The following GRIK1 variants were observed in gnomAD, a reference collection of about 807,000 sequenced individuals.
GRIK1 encodes glutamate ionotropic receptor kainate type subunit 1.
In GRIK1, 69 loss-of-function variants were observed where a neutral mutation model predicts 105.7. That is an observed-to-expected ratio of 0.65 (90% CI 0.54 to 0.80). GRIK1 has a LOEUF of 0.80. GRIK1 is among the 30% of genes least tolerant of loss of function. The pLI, the probability that GRIK1 is intolerant of heterozygous loss-of-function variation, is 0.00. For synonymous variants in GRIK1, 438 were observed against 431.3 expected (o/e 1.02, Z -0.19); for missense variants, 1,109 against 1,167.3 (o/e 0.95, Z 0.73).
chr21:29,918,546 G>GA (rs1321153622), intron 1 of GRIK1, among the ~76,000 whole-genome samples: 2 of 151,968 alleles, frequency 1.3e-5, no homozygotes, highest in Admixed American at 1.3e-4. Context: ...TATCTAAATT[G>GA]AAAATCTTTA....
chr21:29,623,023 A>G (rs1037739292), intron 7 of GRIK1, among the ~76,000 whole-genome samples: 2 of 152,222 alleles, frequency 1.3e-5, no homozygotes, highest in Admixed American at 6.5e-5. Context: ...ATCAGACTAT[A>G]TATCATCTCA....
chr21:29,858,407 C>G (rs572410145), intron 1 of GRIK1, among the ~76,000 whole-genome samples: 4 of 152,122 alleles, frequency 2.6e-5, no homozygotes, highest in Admixed American at 6.5e-5. Flanking sequence ...CTCCCAGTGT[C>G]TCCCTGGAAC....
chr21:29,712,708 T>G (rs28681525), intron 1 of GRIK1, among the ~76,000 whole-genome samples: 2,457 of 152,322 alleles, frequency 0.016, 59 homozygotes, highest in African/African-American at 0.056. Flanking sequence ...CTTGCCCATT[T>G]TGAATATTTA....
At chr21:29,713,315 GT>G (rs1569004597) in intron 1 of GRIK1, among the ~76,000 whole-genome samples, 1 of 152,016 alleles carries the variant, frequency 6.6e-6, no homozygotes, top group African/African-American at 2.4e-5. Flanking sequence ...TCTCTATTTA[GT>G]TTAAACTAAT....
chr21:29,653,086 G>C (rs1381303256), intron 5 of GRIK1, among the ~76,000 whole-genome samples: 1 of 152,086 alleles, frequency 6.6e-6, no homozygotes, highest in Non-Finnish European at 1.5e-5. Flanking sequence ...GGCAAGAATG[G>C]TAAGAATATA....
intron 6 of GRIK1, among the ~76,000 whole-genome samples, chr21:29,645,028 C>T (rs2062589846): frequency 6.6e-6 from 1 of 152,198 alleles, no homozygotes; most frequent in African/African-American, 2.4e-5. Flanking sequence ...AGCTGTGCTG[C>T]TTCTACACCA....
chr21:29,785,980 T>C (rs1323288610), intron 1 of GRIK1, among the ~76,000 whole-genome samples: 2 of 152,198 alleles, frequency 1.3e-5, no homozygotes, highest in East Asian at 3.8e-4. Flanking sequence ...TCTGTGTCTC[T>C]CCTCTGTGTG....
At chr21:29,893,778 T>C (rs1225739512) in intron 1 of GRIK1, among the ~76,000 whole-genome samples, 31 of 152,178 alleles carry the variant, frequency 2.0e-4, no homozygotes, top group Admixed American at 2.0e-3. Flanking sequence ...ACAACTACAA[T>C]TCAGTGTGAT....
intron 1 of GRIK1, among the ~76,000 whole-genome samples, chr21:29,909,433 G>A (rs1263651842): frequency 6.6e-6 from 1 of 151,470 alleles, no homozygotes; most frequent in African/African-American, 2.4e-5. Flanking sequence ...GTTACATTAT[G>A]TTCTACTAAT....
intron 7 of GRIK1, among the ~76,000 whole-genome samples, chr21:29,612,587 T>A (rs1440290746): frequency 6.6e-6 from 1 of 152,208 alleles, no homozygotes. Context: ...TATCTCCTTT[T>A]CTAGTATTCT....
intron 1 of GRIK1, among the ~76,000 whole-genome samples, chr21:29,869,886 CTG>C (rs2068952205): frequency 6.6e-6 from 1 of 152,158 alleles, no homozygotes; most frequent in Non-Finnish European, 1.5e-5. Flanking sequence ...CCCCCCATAA[CTG>C]AGTATAATTT....
chr21:29,926,317 C>T (rs2071368960), intron 1 of GRIK1, among the ~76,000 whole-genome samples: 1 of 152,126 alleles, frequency 6.6e-6, no homozygotes, highest in Non-Finnish European at 1.5e-5. Context: ...TTTAAAGAAA[C>T]CACAGTGATT....
Position 29,537,818 on chromosome 21 carries a change from G to GT in GRIK1, c.2673dup (p.Gln892ThrfsTer35), listed in dbSNP as rs747093705. On this transcript the variant is annotated frameshift_variant, in exon 17 of 18. Transcript: ENST00000327783. LOFTEE classifies it high-confidence loss of function. ...CAAACCTTCTCTACACCAAGGCTTTGTTTTTTTCTCCCATGAAACCTTACT... is the reference window on the plus strand; with the variant it reads ...CAAACCTTCTCTACACCAAGGCTTTGTTTTTTTTCTCCCATGAAACCTTACT... 30 of 1,520,882 alleles carry GT rather than the reference G, an allele frequency of 2.0e-5. No homozygotes were observed. In the East Asian group the frequency reaches 2.5e-4, roughly 13 times the overall value. 94.2% of individuals were successfully genotyped at this position (1,520,882 alleles called of 1,614,324 possible). A position where few individuals can be genotyped will look rare whatever the true frequency, so the allele number is the denominator to read the frequency against.
intron 1 of GRIK1, among the ~76,000 whole-genome samples, chr21:29,932,934 G>A (rs1388249181): frequency 6.7e-6 from 1 of 150,240 alleles, no homozygotes; most frequent in Non-Finnish European, 1.5e-5. Context: ...AAAAAAACGA[G>A]AAAAAGAAAA....
At chr21:29,924,468 T>C (rs2071291645) in intron 1 of GRIK1, among the ~76,000 whole-genome samples, 1 of 152,152 alleles carries the variant, frequency 6.6e-6, no homozygotes, top group African/African-American at 2.4e-5. Context: ...ATGGTTACTG[T>C]AAGAAAGGTT....
intron 1 of GRIK1, among the ~76,000 whole-genome samples, chr21:29,858,107 C>T (rs1161653128): frequency 2.0e-5 from 3 of 152,170 alleles, no homozygotes; most frequent in East Asian, 3.9e-4. Context: ...ACTATGTTGG[C>T]CAGCTGGTCT....
In GRIK1 at chr21:29,721,601, CAA is replaced by C. The variant is rs140389060; in HGVS notation, c.119-27540_119-27539del. On this transcript the variant is annotated intron_variant, in intron 1 of 17. Coordinates refer to ENST00000327783, the MANE Select transcript of GRIK1 (RefSeq NM_001330994.2). ...ATGAGAGTAGCAGGAGAATACATACCAAAAAAAAAAAATAAAGGAAGAAGAAG... is the reference window on the plus strand; with the variant it reads ...ATGAGAGTAGCAGGAGAATACATACCAAAAAAAAAATAAAGGAAGAAGAAG... 4.6e-3 allele frequency among the ~76,000 whole-genome samples: 627 copies of C among 137,262 alleles called. 6 individuals are homozygous for C. Among genetic ancestry groups the C allele is most frequent in the African/African-American group, 0.016 (592 of 37,886 alleles). The allele number at this position is 137,262 out of a possible 152,430, so 90.0% of individuals were successfully genotyped here.
intron 1 of GRIK1, among the ~76,000 whole-genome samples, chr21:29,912,664 A>C (rs1242874420): frequency 6.6e-6 from 1 of 152,028 alleles, no homozygotes; most frequent in African/African-American, 2.4e-5. Flanking sequence ...GTGTGATAAA[A>C]AATATTTATC....
In GRIK1 at chr21:29,789,801, G is replaced by A. The variant is rs889269198; in HGVS notation, c.119-95738C>T. Among the ~76,000 whole-genome samples the A allele has an allele frequency of 2.0e-5, 3 of 152,180 alleles. No individual in the cohort carries two copies. In the South Asian group the frequency reaches 6.2e-4, roughly 32 times the overall value. ...TGGGTTGATTGCTGCATGGAGAAAAGCAGTAGAAACCTGTAGAGAAACAAG... is the reference window on the plus strand; with the variant it reads ...TGGGTTGATTGCTGCATGGAGAAAAACAGTAGAAACCTGTAGAGAAACAAG... On this transcript the variant is annotated intron_variant, in intron 1 of 17. Transcript: ENST00000327783.
Sources: allele counts gnomAD v4.1 joint callset (sites outside exome capture counted in the v4.1 genomes callset), GRCh38; gene constraint gnomAD v4.1.1; transcripts MANE v1.5; gene names NCBI Gene and HGNC (gene_info 2026-07-23, HGNC 2026-07-21).